Variants in SLC44A5 observed in about 807,000 individuals in gnomAD.
The protein encoded by SLC44A5 is solute carrier family 44 member 5, also known as choline transporter-like protein 5.
A neutral mutation model predicts 101.8 loss-of-function variants in SLC44A5; 57 were observed. The ratio of observed to expected loss-of-function variants is 0.56; its 90% confidence interval spans 0.45 to 0.70. SLC44A5 has a LOEUF of 0.70. Among genes scored for constraint, SLC44A5 ranks in the 30% least tolerant of loss-of-function variants. The pLI is 0.00. For synonymous variants in SLC44A5, 281 were observed against 290.9 expected (o/e 0.97, Z 0.35); for missense variants, 737 against 853.1 (o/e 0.86, Z 1.70).
At chr1:75,712,685 A>G in the SLC44A5 span, among the ~76,000 whole-genome samples, 1 of 141,514 alleles carries the variant, frequency 7.1e-6, no homozygotes, top group Admixed American at 7.4e-5. Flanking sequence ...AGAAGACAAA[A>G]CAAGCATTTG....
In SLC44A5 at chr1:75,222,570, C is replaced by G. The variant is rs536778995; in HGVS notation, c.986-110G>C. ...ATGATTATTTCTGCCAATTCTGACA[C>G]CTCATAATCTAAGAAGTGTTATCTC... is the stretch of plus-strand genomic sequence containing the variant. On this transcript the variant is annotated intron_variant, in intron 13 of 23. Transcript: ENST00000370859. 9.0e-5 allele frequency: 57 copies of G among 634,296 alleles called. 2 individuals carry two copies. The South Asian group carries it at 1.0e-3, about 12-fold the overall frequency. The allele number at this position is 634,296 out of a possible 1,614,324, so 39.3% of individuals were successfully genotyped here.
At chr1:75,398,470 T>G in intron 2 of SLC44A5, 20 of 856,454 alleles carry the variant, frequency 2.3e-5, no homozygotes, top group Non-Finnish European at 2.7e-5. Context: ...ATGTAGGTGT[T>G]TCACAGATGA....
In SLC44A5 at chr1:75,376,445, G is replaced by C. The variant is rs543042109; in HGVS notation, c.52+20138C>G. Among the ~76,000 whole-genome samples the C allele has an allele frequency of 4.9e-3, 741 of 152,308 alleles. 4 individuals are homozygous for C. Among genetic ancestry groups the C allele is most frequent in the African/African-American group, 0.017 (707 of 41,560 alleles). Reference sequence around the variant, plus strand: ...CAGACTTAAATGTCCCTGTCTGACAGCTTTGAAGAGAGCAGTGGTTCTCCC... The same window carrying C: ...CAGACTTAAATGTCCCTGTCTGACACCTTTGAAGAGAGCAGTGGTTCTCCC... On this transcript the variant is annotated intron_variant, in intron 3 of 23. Transcript: ENST00000370859.
At chr1:75,645,491 A>T in the SLC44A5 span, among the ~76,000 whole-genome samples, 1 of 151,352 alleles carries the variant, frequency 6.6e-6, no homozygotes, top group Non-Finnish European at 1.5e-5. Flanking sequence ...TTTTTCTTGT[A>T]AATTTGTTTG....
rs547369493 is a variant in SLC44A5 at position 75,213,777 on chromosome 1, T to C, written c.1890A>G (p.Leu630=). 58 of 1,612,198 alleles carry C rather than the reference T, an allele frequency of 3.6e-5. No individual in the cohort carries two copies. Among genetic ancestry groups the C allele is most frequent in the Non-Finnish European group, 4.6e-5 (54 of 1,178,612 alleles). Residue 630 remains leucine, a synonymous_variant, in exon 22 of 24, where the codon CTA becomes CTG. Transcript: ENST00000370859. The part of the protein sequence containing the change: ...VAGSIGVLAF[L]FFTQRLPVIA... The stretch of plus-strand genomic sequence containing the variant: ...TCACTGGCAGTCTTTGTGTGAAGAA[T>C]AGGAAGGCCAGAACACCTACATTGA...
At chr1:75,421,001 T>C (rs1663967638) in intron 2 of SLC44A5, among the ~76,000 whole-genome samples, 1 of 152,012 alleles carries the variant, frequency 6.6e-6, no homozygotes, top group South Asian at 2.1e-4. Flanking sequence ...TTTAGACACC[T>C]AGGAAATAAT....
intron 9 of SLC44A5, among the ~76,000 whole-genome samples, chr1:75,241,566 A>G (rs1648633222): frequency 6.6e-6 from 1 of 152,036 alleles, no homozygotes; most frequent in Non-Finnish European, 1.5e-5. Context: ...GAAATAAAAT[A>G]TTGACTAATT....
At chr1:75,539,518 C>T (rs144176636) in intron 2 of SLC44A5, among the ~76,000 whole-genome samples, 34 of 152,130 alleles carry the variant, frequency 2.2e-4, no homozygotes, top group Admixed American at 3.9e-4. Context: ...CCAAGATCTA[C>T]GTTATTTTCT....
intron 1 of SLC44A5, among the ~76,000 whole-genome samples, chr1:75,555,670 A>G (rs919829327): frequency 3.9e-5 from 6 of 152,010 alleles, no homozygotes; most frequent in African/African-American, 1.4e-4. Flanking sequence ...ATAAGACACA[A>G]TACCAATTTG....
chr1:75,553,883 CAGGAGGAGGAGGAGG>C (rs57453178), intron 1 of SLC44A5, among the ~76,000 whole-genome samples: 2 of 149,672 alleles, frequency 1.3e-5, no homozygotes, highest in East Asian at 2.0e-4. Flanking sequence ...CCTTGTGGAG[CAGGAGGAGGAGGAGG>C]AGGAGGAGGA....
chr1:75,591,219 G>A (rs773663079), intron 1 of SLC44A5, among the ~76,000 whole-genome samples: 5 of 152,142 alleles, frequency 3.3e-5, no homozygotes, highest in Non-Finnish European at 5.9e-5. Flanking sequence ...ACTGGCCTTC[G>A]GGTGCCCCCT....
At chr1:75,357,653 G>C (rs1019103397) in intron 3 of SLC44A5, among the ~76,000 whole-genome samples, 1 of 152,148 alleles carries the variant, frequency 6.6e-6, no homozygotes, top group Non-Finnish European at 1.5e-5. Flanking sequence ...GACTTTGAAA[G>C]AGGGTTAAGA....
At chr1:75,306,248 T>C (rs1408753380) in intron 4 of SLC44A5, among the ~76,000 whole-genome samples, 1 of 152,184 alleles carries the variant, frequency 6.6e-6, no homozygotes, top group African/African-American at 2.4e-5. Flanking sequence ...TGGACATTTA[T>C]AGAAAAAGTT....
chr1:75,368,659 AC>A (rs1660021071), intron 3 of SLC44A5, among the ~76,000 whole-genome samples: 1 of 149,936 alleles, frequency 6.7e-6, no homozygotes, highest in Admixed American at 6.9e-5. Context: ...ACACACACAC[AC>A]ACACACACAC....
intron 12 of SLC44A5, among the ~76,000 whole-genome samples, chr1:75,228,551 T>C (rs924448175): frequency 1.3e-5 from 2 of 151,970 alleles, no homozygotes; most frequent in Admixed American, 1.3e-4. Context: ...ATATTTATAC[T>C]TTATATACTG....
At chr1:75,325,971 TA>T (rs1656559034) in intron 4 of SLC44A5, among the ~76,000 whole-genome samples, 1 of 152,034 alleles carries the variant, frequency 6.6e-6, no homozygotes, top group African/African-American at 2.4e-5. Context: ...ATAATAAATG[TA>T]ACCATCACAT....
chr1:75,253,038 T>G (rs1649712762), intron 6 of SLC44A5, among the ~76,000 whole-genome samples: 1 of 152,230 alleles, frequency 6.6e-6, no homozygotes, highest in South Asian at 2.1e-4. Flanking sequence ...TGAGTGTTGA[T>G]GGCTGGTCAG....
At chr1:75,710,882 A>C in the SLC44A5 span, among the ~76,000 whole-genome samples, 2 of 152,122 alleles carry the variant, frequency 1.3e-5, no homozygotes, top group Non-Finnish European at 2.9e-5. Flanking sequence ...AACTAATATA[A>C]TCATCTCTAT....
chr1:75,715,114 A>T, the SLC44A5 span, among the ~76,000 whole-genome samples: 1 of 152,212 alleles, frequency 6.6e-6, no homozygotes, highest in Admixed American at 6.5e-5. Context: ...CTCTACGAGA[A>T]TTACAAAACA....
Sources: gnomAD v4.1 joint callset for allele counts (sites outside exome capture counted in the v4.1 genomes callset) on GRCh38, gnomAD v4.1.1 for gene constraint, MANE v1.5 for transcripts, NCBI Gene and HGNC (gene_info 2026-07-23, HGNC 2026-07-21) for gene names.